The following ZBTB20 variants were observed in gnomAD, a reference collection of about 807,000 sequenced individuals.
ZBTB20 encodes zinc finger and BTB domain-containing protein 20.
ZBTB20 carries 9 observed loss-of-function variants against 56.9 expected under a neutral mutation model. That is an observed-to-expected ratio of 0.16 (90% CI 0.10 to 0.28). The LOEUF (loss-of-function observed/expected upper bound fraction) is 0.28, where lower values mean the gene tolerates loss of function less well. ZBTB20 is among the 10% of genes least tolerant of loss of function. The pLI, the probability that ZBTB20 is intolerant of heterozygous loss-of-function variation, is 1.00. For missense variants in ZBTB20, 655 were observed against 1,003.0 expected, an observed-to-expected ratio of 0.65 and a Z score of 4.69; for synonymous variants, 417 against 420.7, an observed-to-expected ratio of 0.99 and a Z score of 0.11.
chr3:114,884,743 C>CT (rs1249033072), intron 4 of ZBTB20, among the ~76,000 whole-genome samples: 5 of 152,042 alleles, frequency 3.3e-5, no homozygotes, highest in Non-Finnish European at 7.4e-5. Context: ...TCTTGGGCTC[C>CT]TATGAGACTA....
chr3:114,889,737 C>T lies in ZBTB20; in HGVS notation c.-417+10567G>A, dbSNP rs2076733750. Among the ~76,000 whole-genome samples, 3 of 152,014 alleles carry T rather than the reference C, an allele frequency of 2.0e-5. No individual in the cohort carries two copies. The South Asian group carries it at 6.2e-4, about 32-fold the overall frequency. The stretch of plus-strand genomic sequence containing the variant: ...CAAATAACTCAACAGTAAATATTAG[C>T]CATGACTAGGTTATAGGGTGTTTCT... On this transcript the variant is annotated intron_variant, in intron 4 of 11. Coordinates refer to ENST00000675478, the MANE Select transcript of ZBTB20 (RefSeq NM_001348800.3).
intron 1 of ZBTB20, chr3:115,100,400 G>C (rs1432678941): frequency 6.6e-6 from 1 of 151,632 alleles, no homozygotes; most frequent in Non-Finnish European, 1.5e-5. Flanking sequence ...GACAGAGACA[G>C]AGCAAGCGAG....
At chr3:114,518,594 T>C (rs559708355) in intron 6 of ZBTB20, 1 of 152,316 alleles carries the variant, frequency 6.6e-6, no homozygotes, top group South Asian at 2.1e-4. Flanking sequence ...ATGCATGTAC[T>C]AGAAGGTAAG....
At chr3:114,890,396 A>G (rs2107625840) in intron 4 of ZBTB20, among the ~76,000 whole-genome samples, 1 of 152,356 alleles carries the variant, frequency 6.6e-6, no homozygotes, top group East Asian at 1.9e-4. Context: ...AAACAATAAG[A>G]ACCTACAGAA....
At chr3:114,341,388 A>G (rs2079751283) in intron 11 of ZBTB20, among the ~76,000 whole-genome samples, 1 of 152,126 alleles carries the variant, frequency 6.6e-6, no homozygotes, top group Non-Finnish European at 1.5e-5. Context: ...TCATGCTTTC[A>G]GACGATTTAT....
intron 2 of ZBTB20, among the ~76,000 whole-genome samples, chr3:115,050,223 G>T (rs184240403): frequency 1.3e-5 from 2 of 151,848 alleles, no homozygotes; most frequent in African/African-American, 4.8e-5. Flanking sequence ...TGTATGTGAC[G>T]AATATGAATA....
At chr3:114,820,214 A>C (rs1223758717) in intron 4 of ZBTB20, among the ~76,000 whole-genome samples, 2 of 152,004 alleles carry the variant, frequency 1.3e-5, no homozygotes, top group Non-Finnish European at 2.9e-5. Flanking sequence ...AAATGACCTA[A>C]ATGTCAAACA....
intron 7 of ZBTB20, among the ~76,000 whole-genome samples, chr3:114,479,150 A>G (rs1463780591): frequency 6.6e-6 from 1 of 152,044 alleles, no homozygotes; most frequent in Non-Finnish European, 1.5e-5. Context: ...GATTTTGGTG[A>G]ATAAGAAAGC....
chr3:114,962,440 C>CA (rs2077489950), intron 3 of ZBTB20, among the ~76,000 whole-genome samples: 4 of 152,112 alleles, frequency 2.6e-5, no homozygotes, highest in African/African-American at 9.7e-5. Context: ...TCACTGCAGA[C>CA]AGACAGCCCG....
Position 114,761,431 on chromosome 3 carries a change from C to T in ZBTB20, c.-343+39670G>A, listed in dbSNP as rs115142555. ...CACAAGTAGAGAAGCTAGATATACA[C>T]TATGTGAATTCATTCTACACAATGA... On this transcript the variant is annotated intron_variant, in intron 5 of 11. Coordinates refer to ENST00000675478, the MANE Select transcript of ZBTB20 (RefSeq NM_001348800.3). 7.8e-3 allele frequency among the ~76,000 whole-genome samples: 1,181 copies of T among 152,228 alleles called. 11 individuals carry two copies. The highest frequency in any genetic ancestry group is 0.025 in the African/African-American group (1,058 of 41,542).
At chr3:114,923,347 T>C (rs1685027950) in intron 3 of ZBTB20, among the ~76,000 whole-genome samples, 1 of 152,124 alleles carries the variant, frequency 6.6e-6, no homozygotes, top group South Asian at 2.1e-4. Context: ...GTAATCAAAA[T>C]AGTTTGGTAC....
intron 5 of ZBTB20, among the ~76,000 whole-genome samples, chr3:114,757,590 C>T (rs2068097379): frequency 6.6e-6 from 1 of 152,062 alleles, no homozygotes; most frequent in Non-Finnish European, 1.5e-5. Context: ...CAAATAGTCA[C>T]AGGAAACTTT....
At chr3:114,420,545 T>C (rs771887492) in intron 7 of ZBTB20, among the ~76,000 whole-genome samples, 4 of 152,140 alleles carry the variant, frequency 2.6e-5, no homozygotes, top group Non-Finnish European at 5.9e-5. Context: ...CCTTGACTTT[T>C]GTCTGACTCT....
chr3:114,738,390 G>A lies in ZBTB20; in HGVS notation c.-342-44815C>T, dbSNP rs185400831. On this transcript the variant is annotated intron_variant, in intron 5 of 11. Coordinates refer to ENST00000675478, the MANE Select transcript of ZBTB20 (RefSeq NM_001348800.3). ...TCTCTGACAACTTTTATTTTTAATC[G>A]GTGGGCATGTGCCAAATTGGTTTGT... 1.1e-3 allele frequency among the ~76,000 whole-genome samples: 171 copies of A among 151,512 alleles called. 2 individuals carry two copies. Among genetic ancestry groups the A allele is most frequent in the African/African-American group, 3.4e-3 (140 of 41,326 alleles).
intron 6 of ZBTB20, among the ~76,000 whole-genome samples, chr3:114,621,978 C>G (rs1435595776): frequency 6.6e-6 from 1 of 152,150 alleles, no homozygotes; most frequent in African/African-American, 2.4e-5. Flanking sequence ...TAAGAAAAAT[C>G]TCTCTGGCAG....
intron 2 of ZBTB20, among the ~76,000 whole-genome samples, chr3:115,010,676 G>T (rs748824162): frequency 6.6e-6 from 1 of 151,828 alleles, no homozygotes; most frequent in East Asian, 1.9e-4. Context: ...CAAGAAGGGC[G>T]GCTACAAATA....
intron 2 of ZBTB20, among the ~76,000 whole-genome samples, chr3:115,038,564 C>A (rs1222519883): frequency 6.6e-6 from 1 of 152,044 alleles, no homozygotes; most frequent in Non-Finnish European, 1.5e-5. Flanking sequence ...ACTGACTAAA[C>A]TCATCCCAGT....
chr3:114,897,939 G>C (rs750348957), intron 4 of ZBTB20, among the ~76,000 whole-genome samples: 2 of 152,120 alleles, frequency 1.3e-5, no homozygotes, highest in Non-Finnish European at 1.5e-5. Context: ...ACATTAGAAT[G>C]ATCTATCTAA....
intron 3 of ZBTB20, among the ~76,000 whole-genome samples, chr3:114,929,660 A>G (rs542250196): frequency 6.6e-6 from 1 of 152,336 alleles, no homozygotes; most frequent in South Asian, 2.1e-4. Context: ...CTTCTATCAC[A>G]TAAAGAGGTA....
Sources: allele counts gnomAD v4.1 joint callset (sites outside exome capture counted in the v4.1 genomes callset), GRCh38; gene constraint gnomAD v4.1.1; transcripts MANE v1.5; gene names NCBI Gene and HGNC (gene_info 2026-07-23, HGNC 2026-07-21).